The following VSTM4 variants were observed in gnomAD, a reference collection of about 807,000 sequenced individuals.
The protein encoded by VSTM4 is V-set and transmembrane domain-containing protein 4.
In VSTM4, 20 loss-of-function variants were observed where a neutral mutation model predicts 36.4. That is an observed-to-expected ratio of 0.55 (90% CI 0.39 to 0.80). The LOEUF is 0.80. VSTM4 is among the 30% of genes least tolerant of loss of function. The probability of loss-of-function intolerance (pLI) is 0.00; values close to 1 mark genes in which losing one functional copy is unlikely to be tolerated. For synonymous variants in VSTM4, 182 were observed against 173.9 expected (o/e 1.05, Z -0.37); for missense variants, 392 against 404.5 (o/e 0.97, Z 0.26).
intron 2 of VSTM4, among the ~76,000 whole-genome samples, chr10:49,105,773 GA>G (rs1365326952): frequency 2.0e-5 from 3 of 151,850 alleles, no homozygotes; most frequent in African/African-American, 7.3e-5. Flanking sequence ...TGTGACTCCA[GA>G]ATACACTGTG....
intron 7 of VSTM4, among the ~76,000 whole-genome samples, chr10:49,038,384 T>G (rs1843465535): frequency 6.6e-6 from 1 of 152,200 alleles, no homozygotes; most frequent in South Asian, 2.1e-4. Context: ...TGATTCCACT[T>G]CTATGAGGTT....
At chr10:49,024,182 C>G in intron 7 of VSTM4, among the ~76,000 whole-genome samples, 1 of 151,452 alleles carries the variant, frequency 6.6e-6, no homozygotes, top group East Asian at 1.9e-4. Flanking sequence ...CTTTCTATTC[C>G]TCAAATAAAG....
intron 7 of VSTM4, among the ~76,000 whole-genome samples, chr10:49,040,860 G>A (rs573341232): frequency 1.6e-4 from 24 of 152,292 alleles, no homozygotes; most frequent in Admixed American, 8.5e-4. Context: ...GTCAGTGGAG[G>A]TTGTCAGATT....
intron 7 of VSTM4, among the ~76,000 whole-genome samples, chr10:49,035,098 T>C (rs1050720690): frequency 6.6e-6 from 1 of 152,086 alleles, no homozygotes; most frequent in Non-Finnish European, 1.5e-5. Context: ...CCATGACACC[T>C]GGGACCAGGG....
intron 5 of VSTM4, among the ~76,000 whole-genome samples, chr10:49,049,115 C>A (rs754333443): frequency 1.3e-5 from 2 of 152,194 alleles, no homozygotes; most frequent in Non-Finnish European, 2.9e-5. Flanking sequence ...TGTCTGGGGT[C>A]CCCTGTGACT....
intron 5 of VSTM4, among the ~76,000 whole-genome samples, chr10:49,063,833 G>A (rs935639620): frequency 1.5e-4 from 23 of 152,176 alleles, no homozygotes; most frequent in African/African-American, 5.1e-4. Flanking sequence ...CCTGGTTGAG[G>A]AAGGGAGTCT....
chr10:49,018,879 G>A lies in VSTM4; in HGVS notation c.*771C>T, dbSNP rs1348397030. The A allele has an allele frequency of 6.6e-6, 1 of 152,292 alleles. No homozygotes were observed. Among genetic ancestry groups the A allele is most frequent in the African/African-American group, 2.4e-5 (1 of 41,470 alleles). The allele number at this position is 152,292 out of a possible 1,614,324, so 9.4% of individuals were successfully genotyped here. A position where few individuals can be genotyped will look rare whatever the true frequency, so the allele number is the denominator to read the frequency against. On this transcript the variant is annotated 3_prime_UTR_variant, in exon 8 of 8. Coordinates refer to ENST00000332853, the MANE Select transcript of VSTM4 (RefSeq NM_001031746.5). ...GCCCATGCGCTCCAGTGTGTCTTCT[G>A]ATGGCCAACACCTGTGCTCCTTTGG...
intron 7 of VSTM4, among the ~76,000 whole-genome samples, chr10:49,046,308 G>A (rs1428292708): frequency 6.6e-6 from 1 of 152,164 alleles, no homozygotes; most frequent in East Asian, 1.9e-4. Flanking sequence ...CTTCAAAAGT[G>A]TCAAGGCCAA....
chr10:49,021,654 A>G (rs777063890), intron 7 of VSTM4, among the ~76,000 whole-genome samples: 13 of 152,204 alleles, frequency 8.5e-5, no homozygotes, highest in Non-Finnish European at 1.9e-4. Flanking sequence ...ACTTAAAGTC[A>G]CACTTAGACA....
At chr10:49,113,053 GCA>G (rs1297107554) in intron 1 of VSTM4, among the ~76,000 whole-genome samples, 33 of 152,194 alleles carry the variant, frequency 2.2e-4, no homozygotes. Flanking sequence ...TCGGTTCTGA[GCA>G]GGCCAGGGAT....
chr10:49,065,059 C>G (rs2131978681), intron 4 of VSTM4, among the ~76,000 whole-genome samples: 1 of 152,306 alleles, frequency 6.6e-6, no homozygotes, highest in Middle Eastern at 3.4e-3. Flanking sequence ...TAAGCTCTGC[C>G]TGAGTCATAA....
chr10:49,071,458 A>G (rs137865642), intron 4 of VSTM4, among the ~76,000 whole-genome samples: 113 of 152,346 alleles, frequency 7.4e-4, no homozygotes, highest in African/African-American at 2.0e-3. Context: ...CAGAGACTTG[A>G]GGCTCAGGAG....
intron 2 of VSTM4, among the ~76,000 whole-genome samples, chr10:49,088,174 C>T (rs1481505520): frequency 6.6e-6 from 1 of 152,074 alleles, no homozygotes; most frequent in South Asian, 2.1e-4. Flanking sequence ...GATCACAGAA[C>T]TCCTTTGCCA....
chr10:49,068,780 C>T (rs35462783), intron 4 of VSTM4, among the ~76,000 whole-genome samples: 3 of 151,984 alleles, frequency 2.0e-5, no homozygotes, highest in East Asian at 1.9e-4. Flanking sequence ...TGGAAAGTGC[C>T]GGAGACCAAG....
chr10:49,081,993 T>C (rs572259884), intron 3 of VSTM4, among the ~76,000 whole-genome samples: 19 of 152,302 alleles, frequency 1.2e-4, no homozygotes, highest in South Asian at 1.0e-3. Flanking sequence ...CCCTGCTGTG[T>C]CCACTCAAAA....
chr10:49,019,772 T>C lies in VSTM4; in HGVS notation c.841A>G (p.Lys281Glu), dbSNP rs768717860. The C allele has an allele frequency of 1.2e-6, 2 of 1,609,826 alleles. No individual in the cohort carries two copies. The highest frequency in any genetic ancestry group is 2.2e-5 in the East Asian group (1 of 44,818). ...LKPQRKVTLP[K>E]IAEENLTYAE... ...TAGGTTAAGTTTTCCTCAGCAATCT[T>C]TGGCTATAAAAGAAAAAACAAAACA... Residue 281 changes from lysine to glutamate, a missense_variant, in exon 8 of 8, where the codon AAG becomes GAG. Coordinates refer to ENST00000332853, the MANE Select transcript of VSTM4 (RefSeq NM_001031746.5).
At chr10:49,068,264 G>A (rs1001198622) in intron 4 of VSTM4, among the ~76,000 whole-genome samples, 2 of 152,070 alleles carry the variant, frequency 1.3e-5, no homozygotes, top group African/African-American at 4.8e-5. Context: ...GCCAAGCAGA[G>A]ATGGTACTGG....
intron 3 of VSTM4, among the ~76,000 whole-genome samples, chr10:49,085,539 C>CA (rs758968378): frequency 3.3e-5 from 5 of 152,118 alleles, no homozygotes; most frequent in Non-Finnish European, 7.4e-5. Flanking sequence ...AATTCTGGAG[C>CA]AAAACAAAAC....
chr10:49,038,643 G>A (rs576710253), intron 7 of VSTM4, among the ~76,000 whole-genome samples: 156 of 152,306 alleles, frequency 1.0e-3, no homozygotes, highest in African/African-American at 3.4e-3. Context: ...GGAATGCCAT[G>A]GGCTAAGGCG....
Sources: allele counts gnomAD v4.1 joint callset (sites outside exome capture counted in the v4.1 genomes callset), GRCh38; gene constraint gnomAD v4.1.1; transcripts MANE v1.5; gene names NCBI Gene and HGNC (gene_info 2026-07-23, HGNC 2026-07-21).